The following PRDM7 variants were observed in gnomAD, a reference collection of about 807,000 sequenced individuals.
The protein encoded by PRDM7 is PR/SET domain 7.
In PRDM7, 52 loss-of-function variants were observed where a neutral mutation model predicts 64.3. That is an observed-to-expected ratio of 0.81 (90% confidence interval 0.65 to 1.02). The LOEUF (loss-of-function observed/expected upper bound fraction) is 1.02. Among genes scored for constraint, PRDM7 ranks in the 50% least tolerant of loss-of-function variants. PRDM7 has a pLI of 0.00. For synonymous variants in PRDM7, 192 were observed against 210.1 expected (o/e 0.91, Z 0.74); for missense variants, 574 against 597.1 (o/e 0.96, Z 0.40).
At chr16:90,072,513 C>T (rs1567880318) in intron 4 of PRDM7, among the ~76,000 whole-genome samples, 1 of 152,142 alleles carries the variant, frequency 6.6e-6, no homozygotes, top group Non-Finnish European at 1.5e-5. Context: ...GCTGATTCCA[C>T]GTATATGAGG....
chr16:90,062,608 C>A, intron 6 of PRDM7, 106 bp from the exon 7 acceptor site: 1 of 992,852 alleles, frequency 1.0e-6, no homozygotes, highest in East Asian at 2.4e-5. Context: ...ATCTACCTTT[C>A]TACATACTCT....
At position 90,075,865 on chromosome 16, in the gene PRDM7, CTG is replaced by C. The variant is rs747028579; in HGVS notation, c.44_45del (p.Thr15ArgfsTer37). On this transcript the variant is annotated frameshift_variant, in exon 2 of 11. Coordinates refer to ENST00000449207, the MANE Select transcript of PRDM7 (RefSeq NM_001098173.2). LOFTEE classifies it high-confidence loss of function. The surrounding 1 kb of genome is among the most constrained non-coding windows in gnomAD (Gnocchi z 4.3). ...ACCATGGGCTTCCGCTCTGTTCTCT[CTG>C]TGTCTCCTTCTGGGCTCTCCTCTTG... ...RSQEESPEGD[T>X]ERTERKPMVK... The C allele has an allele frequency of 2.5e-6, 4 of 1,614,092 alleles. No individual in the cohort carries two copies. The highest frequency in any genetic ancestry group is 3.4e-6 in the Non-Finnish European group (4 of 1,179,988).
chr16:90,066,470 G>C (rs191781446), intron 5 of PRDM7, among the ~76,000 whole-genome samples: 65 of 151,328 alleles, frequency 4.3e-4, no homozygotes, highest in Non-Finnish European at 7.9e-4. Flanking sequence ...TTTAGAGAAG[G>C]AGTTTTGGAT....
intron 4 of PRDM7, among the ~76,000 whole-genome samples, chr16:90,070,856 T>A (rs567502418): frequency 2.0e-5 from 3 of 152,278 alleles, no homozygotes; most frequent in South Asian, 4.1e-4. Context: ...ACTAATACAA[T>A]GGGCAAAAAG....
In PRDM7 at chr16:90,075,542, C is replaced by T; in HGVS notation, c.70-68G>A. 6.2e-7 allele frequency: 1 copy of T among 1,612,784 alleles called. No individual in the cohort carries two copies. Among genetic ancestry groups the T allele is most frequent in the South Asian group, 1.1e-5 (1 of 90,872 alleles). On this transcript the variant is annotated intron_variant, in intron 2 of 10. Transcript: ENST00000449207. The surrounding 1 kb of genome is among the most constrained non-coding windows in gnomAD (Gnocchi z 4.3). Reference sequence around the variant, plus strand: ...ATCGAGCTGGTCCTTTTCCTCTACCCTGCGTGTAGGGCATAGCCTGGGGCC... The same window carrying T: ...ATCGAGCTGGTCCTTTTCCTCTACCTTGCGTGTAGGGCATAGCCTGGGGCC...
At position 90,061,954 on chromosome 16, in the gene PRDM7, G is replaced by A. The variant is rs748644131; in HGVS notation, c.849C>T (p.Asp283=). 8.1e-6 allele frequency: 13 copies of A among 1,614,248 alleles called. No individual in the cohort carries two copies. Among genetic ancestry groups the A allele is most frequent in the African/African-American group, 1.3e-5 (1 of 75,066 alleles). Residue 283 remains aspartate (D), a synonymous_variant, in exon 8 of 11, where the codon GAC becomes GAT. Transcript: ENST00000449207. ...FGPYEGRITE[D]EEAANSGYSW... Reference sequence around the variant, plus strand: ...AATATCCACTGTTGGCTGCCTCTTCGTCTTCTGTAATTCGGCCCTCATAGG... The same window carrying A: ...AATATCCACTGTTGGCTGCCTCTTCATCTTCTGTAATTCGGCCCTCATAGG...
chr16:90,060,941 C>T (rs527406643), intron 9 of PRDM7, among the ~76,000 whole-genome samples: 10 of 152,330 alleles, frequency 6.6e-5, no homozygotes, highest in African/African-American at 2.4e-4. Context: ...TCTAATCACC[C>T]TACAGTTCAC....
At chr16:90,071,814 A>G (rs1471645153) in intron 4 of PRDM7, among the ~76,000 whole-genome samples, 1 of 152,228 alleles carries the variant, frequency 6.6e-6, no homozygotes, top group Non-Finnish European at 1.5e-5. Context: ...ACACTGTAAA[A>G]AAACAGTATG....
intron 5 of PRDM7, among the ~76,000 whole-genome samples, chr16:90,066,111 A>G (rs1469388648): frequency 6.6e-6 from 1 of 151,352 alleles, no homozygotes; most frequent in African/African-American, 2.5e-5. Context: ...AGAAGAATAT[A>G]TTTTTACTTA....
intron 8 of PRDM7, 106 bp downstream of exon 8, chr16:90,061,815 C>T (rs1268017014): frequency 1.2e-5 from 18 of 1,530,790 alleles, no homozygotes; most frequent in Non-Finnish European, 1.5e-5. Context: ...ACAGAGCTAA[C>T]CATGTTATCC....
chr16:90,067,017 T>G, intron 4 of PRDM7, 107 bp from the exon 5 acceptor site: 3 of 916,008 alleles, frequency 3.3e-6, no homozygotes, highest in Non-Finnish European at 5.2e-6. Context: ...CAGGCTGGAG[T>G]GCAGTGGCAC....
chr16:90,061,585 A>G (rs2037778874), intron 8 of PRDM7, 66 bp from the exon 9 acceptor site: 2 of 1,521,914 alleles, frequency 1.3e-6, no homozygotes, highest in Non-Finnish European at 1.8e-6. Flanking sequence ...ATTTTACTCC[A>G]CGGTCATCAA....
intron 6 of PRDM7, 93 bp from the exon 7 acceptor site, chr16:90,062,595 A>T: frequency 9.0e-7 from 1 of 1,109,502 alleles, no homozygotes; most frequent in Non-Finnish European, 1.4e-6. Context: ...CCATCAAATT[A>T]GCATCTACCT....
intron 6 of PRDM7, 127 bp downstream of exon 6, chr16:90,063,485 C>T: frequency 1.0e-6 from 1 of 964,632 alleles, no homozygotes; most frequent in East Asian, 2.5e-5. Flanking sequence ...CATCTAACTT[C>T]TGGTCTCACA....
At chr16:90,066,297 T>C (rs2037871146) in intron 5 of PRDM7, among the ~76,000 whole-genome samples, 1 of 151,216 alleles carries the variant, frequency 6.6e-6, no homozygotes, top group Non-Finnish European at 1.5e-5. Context: ...GTCTATTTAC[T>C]TGGAAGCTTC....
intron 4 of PRDM7, among the ~76,000 whole-genome samples, chr16:90,071,245 C>T (rs1331696909): frequency 1.3e-5 from 2 of 152,180 alleles, no homozygotes; most frequent in African/African-American, 2.4e-5. Context: ...GATTCTTCTA[C>T]CTCAACCTCC....
At chr16:90,065,607 T>G (rs967200145) in intron 5 of PRDM7, among the ~76,000 whole-genome samples, 1 of 147,862 alleles carries the variant, frequency 6.8e-6, no homozygotes, top group African/African-American at 2.6e-5. Context: ...TGGTGGTGCA[T>G]GCCTGTGGTC....
intron 6 of PRDM7, among the ~76,000 whole-genome samples, chr16:90,062,769 T>A (rs2037804768): frequency 1.3e-5 from 2 of 152,214 alleles, no homozygotes; most frequent in Admixed American, 1.3e-4. Context: ...ATGCATTTAT[T>A]TATTCAGAAA....
At position 90,060,492 on chromosome 16, in the gene PRDM7, T is replaced by C. The variant is rs1567874843; in HGVS notation, c.1082A>G (p.Tyr361Cys). ...CELLVWSGDE[Y>C]GQELGIRSSI... ...AGATCTGATGCCCAGTTCCTGGCCA[T>C]ACTCATCCCCAGACCAGACCAGCAG... is the stretch of plus-strand genomic sequence containing the variant. The change falls in exon 10 of 11, where the codon TAT becomes TGT. Residue 361 changes from tyrosine to cysteine, a missense_variant. Transcript: ENST00000449207. 1 of 1,613,788 alleles carries C rather than the reference T, an allele frequency of 6.2e-7. No homozygotes were observed. Among genetic ancestry groups the C allele is most frequent in the East Asian group, 2.2e-5 (1 of 44,854 alleles).
Sources: allele counts gnomAD v4.1 joint callset (sites outside exome capture counted in the v4.1 genomes callset), GRCh38; gene constraint gnomAD v4.1.1; non-coding constraint Gnocchi (gnomAD v3.1); transcripts MANE v1.5; gene names NCBI Gene and HGNC (gene_info 2026-07-23, HGNC 2026-07-21).